The following ORMDL3 variants were observed in gnomAD, a reference collection of about 807,000 sequenced individuals.
The protein encoded by ORMDL3 is ORM1-like protein 3.
In ORMDL3, 6 loss-of-function variants were observed where a neutral mutation model predicts 12.6. The ratio of observed to expected loss-of-function variants is 0.48; its 90% CI spans 0.26 to 0.94. The LOEUF is 0.94. ORMDL3 is among the 40% of genes least tolerant of loss of function. The pLI, the probability that ORMDL3 is intolerant of heterozygous loss-of-function variation, is 0.14. For missense variants in ORMDL3, 159 were observed against 205.5 expected (o/e 0.77, Z 1.38); for synonymous variants, 99 against 87.2 (o/e 1.14, Z -0.75).
intron 2 of ORMDL3, 99 bp downstream of exon 2, chr17:39,923,931 G>A: frequency 1.6e-6 from 2 of 1,272,634 alleles, no homozygotes; most frequent in South Asian, 1.5e-5. Flanking sequence ...CCTGACACCT[G>A]GGCCAGGCCC....
In ORMDL3 at chr17:39,921,794, T is replaced by A. The variant is rs1312706393; in HGVS notation, c.*756A>T. The stretch of plus-strand genomic sequence containing the variant: ...CTTCTGTCCCTACCCCTCCCTCCCT[T>A]ACACCAGTCCTCTGCTGCTATGTGG... On this transcript the variant is annotated 3_prime_UTR_variant, in exon 4 of 4. Transcript: ENST00000304046. The A allele has an allele frequency of 1.3e-5, 2 of 152,308 alleles. No individual in the cohort carries two copies. Among genetic ancestry groups the A allele is most frequent in the Non-Finnish European group, 2.9e-5 (2 of 68,088 alleles). The allele number at this position is 152,308 out of a possible 1,614,324, so 9.4% of individuals were successfully genotyped here.
chr17:39,922,485 T>A lies in ORMDL3; in HGVS notation c.*65A>T. On this transcript the variant is annotated 3_prime_UTR_variant, in exon 4 of 4. Transcript: ENST00000304046. Reference sequence around the variant, plus strand: ...AGGCTTCTTCTTTCTGTCTTCAGTGTTGCAGCACATGCCTTTTACCCTACC... The same window carrying A: ...AGGCTTCTTCTTTCTGTCTTCAGTGATGCAGCACATGCCTTTTACCCTACC... 1 of 1,539,370 alleles carries A rather than the reference T, an allele frequency of 6.5e-7. No homozygotes were observed.
chr17:39,923,051 C>G (rs1598285655), intron 3 of ORMDL3, 61 bp downstream of exon 3: 1 of 1,599,532 alleles, frequency 6.3e-7, no homozygotes, highest in South Asian at 1.1e-5. Flanking sequence ...CATGGCTGGG[C>G]CCTGGGGTCC....
chr17:39,921,804 C>G lies in ORMDL3; in HGVS notation c.*746G>C, dbSNP rs1014843802. 1 of 152,460 alleles carries G rather than the reference C, an allele frequency of 6.6e-6. No homozygotes were observed. The highest frequency in any genetic ancestry group is 2.4e-5 in the African/African-American group (1 of 41,398). The allele number at this position is 152,460 out of a possible 1,614,324, so 9.4% of individuals were successfully genotyped here. A position where few individuals can be genotyped will look rare whatever the true frequency, so the allele number is the denominator to read the frequency against. On this transcript the variant is annotated 3_prime_UTR_variant, in exon 4 of 4. Transcript: ENST00000304046. ...TACCCCTCCCTCCCTTACACCAGTC[C>G]TCTGCTGCTATGTGGCCCCATTCTT...
intron 1 of ORMDL3, chr17:39,926,320 C>G (rs1978416595): frequency 6.6e-6 from 1 of 152,280 alleles, no homozygotes; most frequent in South Asian, 2.1e-4. Context: ...GCCCTGAGAG[C>G]AGGAAACCAC....
At chr17:39,926,710 C>T in intron 1 of ORMDL3, 1 of 873,782 alleles carries the variant, frequency 1.1e-6, no homozygotes, top group Non-Finnish European at 1.4e-6. Flanking sequence ...CCGGGCCCAG[C>T]CAGTATGCCA....
intron 3 of ORMDL3, 45 bp downstream of exon 3, chr17:39,923,067 G>A: frequency 6.2e-7 from 1 of 1,611,750 alleles, no homozygotes; most frequent in Non-Finnish European, 8.5e-7. Flanking sequence ...GGTCCTCCAG[G>A]CCTTGCCCTG....
intron 1 of ORMDL3, 59 bp downstream of exon 1, chr17:39,927,425 C>T (rs983478998): frequency 6.1e-6 from 6 of 985,652 alleles, no homozygotes; most frequent in Non-Finnish European, 7.2e-6. Context: ...CCAGCAGCCC[C>T]CACCTTCTCT....
chr17:39,924,724 G>A (rs933129946), intron 1 of ORMDL3: 3 of 153,264 alleles, frequency 2.0e-5, no homozygotes, highest in Non-Finnish European at 4.4e-5. Context: ...AGCAGTGGAT[G>A]AACTATTTTG....
intron 1 of ORMDL3, 198 bp downstream of exon 1, chr17:39,927,286 T>G: frequency 5.3e-6 from 1 of 188,416 alleles, no homozygotes; most frequent in Non-Finnish European, 9.3e-6. Context: ...CCTCCCGACG[T>G]TCCACCCCCG....
At position 39,924,239 on chromosome 17, in the gene ORMDL3, G is replaced by A; in HGVS notation, c.-22-14C>T. ...CTCTCTGCTGTTCTGCAAACAAGCA[G>A]CACAGGTCAGACAGGTCACACTGCT... On this transcript the variant is annotated splice_polypyrimidine_tract_variant and intron_variant, in intron 1 of 3. Coordinates refer to ENST00000304046, the MANE Select transcript of ORMDL3 (RefSeq NM_139280.4). 6.4e-7 allele frequency: 1 copy of A among 1,574,180 alleles called. No homozygotes were observed. Among genetic ancestry groups the A allele is most frequent in the Non-Finnish European group, 8.6e-7 (1 of 1,158,522 alleles).
At position 39,922,612 on chromosome 17, in the gene ORMDL3, C is replaced by T; in HGVS notation, c.400G>A (p.Val134Met). The T allele has an allele frequency of 5.6e-6, 9 of 1,614,072 alleles. No homozygotes were observed. Among genetic ancestry groups the T allele is most frequent in the Non-Finnish European group, 6.8e-6 (8 of 1,180,012 alleles). The change falls in exon 4 of 4, where the codon GTG (valine) becomes ATG (methionine). Residue 134 changes from valine to methionine, a missense_variant. Physicochemically the swap from Val to Met is conservative, Grantham distance 21 (BLOSUM62 1). Coordinates refer to ENST00000304046, the MANE Select transcript of ORMDL3 (RefSeq NM_139280.4). ...AGCTGGGGCAGCTTGGGGATAAGCA[C>T]GCTCATCAGGGACACGGTGTTGAGC... The part of the protein sequence containing the change: ...FVLNTVSLMS[V>M]LIPKLPQLHG...
chr17:39,923,063 C>G (rs748064729), intron 3 of ORMDL3, 49 bp downstream of exon 3: 2 of 1,610,474 alleles, frequency 1.2e-6, no homozygotes, highest in Non-Finnish European at 1.7e-6. Flanking sequence ...CTGGGGTCCT[C>G]CAGGCCTTGC....
At chr17:39,927,214 C>G (rs1237681426) in intron 1 of ORMDL3, 1 of 212,622 alleles carries the variant, frequency 4.7e-6, no homozygotes, top group Admixed American at 6.5e-5. Flanking sequence ...GCCCTGGAGG[C>G]AGCCAAACGT....
intron 1 of ORMDL3, chr17:39,925,179 C>T (rs1012840273): frequency 6.6e-6 from 1 of 152,632 alleles, no homozygotes. Flanking sequence ...CTCAGTCTCC[C>T]CTCTCAGCAC....
chr17:39,924,178 TCGCTGTG>T lies in ORMDL3; in HGVS notation c.19_25del (p.His7ArgfsTer2). On this transcript the variant is annotated frameshift_variant, in exon 2 of 4. Coordinates refer to ENST00000304046, the MANE Select transcript of ORMDL3 (RefSeq NM_139280.4). LOFTEE classifies it high-confidence loss of function. ...CATCACCCGCGTGTTGGGGTTCACC[TCGCTGTG>T]CGCTGTGCCCACATTCATCCTGCTG... is the stretch of plus-strand genomic sequence containing the variant. 2 of 1,611,830 alleles carry T rather than the reference TCGCTGTG, an allele frequency of 1.2e-6. No homozygotes were observed. The highest frequency in any genetic ancestry group is 1.7e-6 in the Non-Finnish European group (2 of 1,178,714).
At chr17:39,923,377 G>T in intron 2 of ORMDL3, 114 bp from the exon 3 acceptor site, 2 of 1,213,324 alleles carry the variant, frequency 1.6e-6, no homozygotes, top group Non-Finnish European at 2.4e-6. Flanking sequence ...TCCCTCTGCT[G>T]GGCAGGGGGA....
intron 2 of ORMDL3, 84 bp downstream of exon 2, chr17:39,923,946 G>T: frequency 7.2e-7 from 1 of 1,385,434 alleles, no homozygotes; most frequent in Non-Finnish European, 9.6e-7. Flanking sequence ...AGGCCCGACA[G>T]GCTCCTCCTA....
At chr17:39,926,015 A>T (rs1220433173) in intron 1 of ORMDL3, 1 of 146,294 alleles carries the variant, frequency 6.8e-6, no homozygotes, top group Non-Finnish European at 1.5e-5. Context: ...GCTCTGAAGG[A>T]CTTAACTCTG....
Sources: allele counts gnomAD v4.1 joint callset, GRCh38; gene constraint gnomAD v4.1.1; transcripts MANE v1.5; gene names NCBI Gene and HGNC (gene_info 2026-07-23, HGNC 2026-07-21).